DAGLA: variants seen among roughly 807,000 people sequenced by gnomAD.
The protein encoded by DAGLA is diacylglycerol lipase alpha.
A neutral mutation model predicts 102.6 loss-of-function variants in DAGLA; 22 were observed. The observed-to-expected ratio is 0.21, with a 90% CI of 0.15 to 0.31. The LOEUF is 0.31. Among genes scored for constraint, DAGLA ranks in the 10% least tolerant of loss-of-function variants. DAGLA has a pLI of 1.00. For synonymous variants in DAGLA, 578 were observed against 628.9 expected (o/e 0.92, Z 1.21); for missense variants, 927 against 1,446.6 (o/e 0.64, Z 5.83).
chr11:61,737,172 C>G lies in DAGLA; in HGVS notation c.1372-10C>G. 6.2e-7 allele frequency: 1 copy of G among 1,613,362 alleles called. No individual in the cohort carries two copies. The highest frequency in any genetic ancestry group is 8.5e-7 in the Non-Finnish European group (1 of 1,180,004). ...TGGGGCAGGGCTCTCAGGCTTCTCTCGGTCTCCAGGGCCGCGGAACCAAAC... is the reference window on the plus strand; with the variant it reads ...TGGGGCAGGGCTCTCAGGCTTCTCTGGGTCTCCAGGGCCGCGGAACCAAAC... On this transcript the variant is annotated splice_polypyrimidine_tract_variant and intron_variant, in intron 13 of 19. Coordinates refer to ENST00000257215, the MANE Select transcript of DAGLA (RefSeq NM_006133.3).
At chr11:61,688,744 G>A (rs929349132) in intron 1 of DAGLA, among the ~76,000 whole-genome samples, 3 of 152,322 alleles carry the variant, frequency 2.0e-5, no homozygotes, top group South Asian at 2.1e-4. Context: ...AGGATAGCTC[G>A]CCAGGCAGCC....
Position 61,735,622 on chromosome 11 carries a change from TCCG to T in DAGLA, c.1191_1193del (p.Ile397_Arg398delinsMet). On this transcript the variant is annotated inframe_deletion, in exon 11 of 20. Coordinates refer to ENST00000257215, the MANE Select transcript of DAGLA (RefSeq NM_006133.3). ...GACAAGAAGAAAGTGGTGATCAGTA[TCCG>T]GGGGACCCTGTCCCCCAAGGTACGC... The T allele has an allele frequency of 6.2e-7, 1 of 1,614,004 alleles. No homozygotes were observed. The highest frequency in any genetic ancestry group is 8.5e-7 in the Non-Finnish European group (1 of 1,179,936).
intron 9 of DAGLA, among the ~76,000 whole-genome samples, chr11:61,732,532 G>A (rs1465305252): frequency 6.6e-6 from 1 of 152,206 alleles, no homozygotes; most frequent in Non-Finnish European, 1.5e-5. Context: ...ACTGTAACAG[G>A]TGGTATCTGT....
At chr11:61,690,336 A>C (rs1306852926) in intron 1 of DAGLA, among the ~76,000 whole-genome samples, 1 of 152,148 alleles carries the variant, frequency 6.6e-6, no homozygotes, top group Admixed American at 6.5e-5. Context: ...TTTATTGAGC[A>C]CCTACTTGCC....
chr11:61,732,436 T>G (rs2065383793), intron 9 of DAGLA, among the ~76,000 whole-genome samples: 1 of 152,200 alleles, frequency 6.6e-6, no homozygotes, highest in South Asian at 2.1e-4. Flanking sequence ...GAGTCCCAGC[T>G]GTGGCAGAGA....
At chr11:61,720,630 G>A (rs764636326) in intron 2 of DAGLA, 49 bp from the exon 3 acceptor site, 37 of 1,577,576 alleles carry the variant, frequency 2.3e-5, no homozygotes, top group Middle Eastern at 2.1e-4. Context: ...GTAGCATCTC[G>A]AGGTACAGGG....
At chr11:61,681,117 C>T (rs1185382576) in intron 1 of DAGLA, among the ~76,000 whole-genome samples, 1 of 152,084 alleles carries the variant, frequency 6.6e-6, no homozygotes, top group Non-Finnish European at 1.5e-5. Context: ...CGTGGCCCTC[C>T]CATCCTGATG....
Position 61,710,904 on chromosome 11 carries a change from T to G in DAGLA, c.-44-9208T>G, listed in dbSNP as rs139043125. ...CACTATGAAGTGAGTACCTTCATTA[T>G]TCCATCTTACAGATGAGGAGACTGA... On this transcript the variant is annotated intron_variant, in intron 1 of 19. Transcript: ENST00000257215. Among the ~76,000 whole-genome samples the G allele has an allele frequency of 2.7e-3, 409 of 152,332 alleles. 2 individuals carry two copies. Among genetic ancestry groups the G allele is most frequent in the African/African-American group, 9.2e-3 (384 of 41,580 alleles).
chr11:61,737,110 T>C (rs1238102764), intron 13 of DAGLA, 72 bp from the exon 14 acceptor site: 2 of 1,595,806 alleles, frequency 1.3e-6, no homozygotes, highest in Non-Finnish European at 1.7e-6. Flanking sequence ...ACCCTCTGCC[T>C]CCCTTGGGTT....
intron 1 of DAGLA, among the ~76,000 whole-genome samples, chr11:61,708,651 G>A (rs1014860495): frequency 2.6e-5 from 4 of 152,134 alleles, no homozygotes; most frequent in African/African-American, 9.7e-5. Context: ...CCAAAGTGCT[G>A]GGACTACAGG....
chr11:61,721,008 C>A (rs887148044), intron 3 of DAGLA, 118 bp downstream of exon 3: 1 of 966,954 alleles, frequency 1.0e-6, no homozygotes, highest in Non-Finnish European at 1.5e-6. Context: ...TGGGGTACAG[C>A]AGTGAACTAA....
At position 61,744,445 on chromosome 11, in the gene DAGLA, G is replaced by C. The variant is rs2065518440; in HGVS notation, c.3085G>C (p.Ala1029Pro). 6.3e-7 allele frequency: 1 copy of C among 1,590,786 alleles called. No homozygotes were observed. Among genetic ancestry groups the C allele is most frequent in the South Asian group, 1.1e-5 (1 of 88,886 alleles). Reference sequence around the variant, plus strand: ...GACTTCTACCCCCACTGGCCACGGAGCCAGCCCCGCCAAGCAAGATGAGCT... The same window carrying C: ...GACTTCTACCCCCACTGGCCACGGACCCAGCCCCGCCAAGCAAGATGAGCT... ...IRTSTPTGHG[A>P]SPAKQDELVI... Residue 1029 changes from alanine (A) to proline (P), a missense_variant, in exon 20 of 20, where the codon GCC becomes CCC. Physicochemically the swap from Ala to Pro is conservative, Grantham distance 27 (BLOSUM62 -1). Around this residue, in one of 4 missense-constraint regions of DAGLA, gnomAD observed 434 missense variants for 503.3 expected, o/e 0.86. Transcript: ENST00000257215.
At chr11:61,695,922 G>T (rs1353552373) in intron 1 of DAGLA, among the ~76,000 whole-genome samples, 1 of 152,184 alleles carries the variant, frequency 6.6e-6, no homozygotes, top group African/African-American at 2.4e-5. Context: ...GTGGATGACA[G>T]GCTCCGGGCC....
At position 61,728,929 on chromosome 11, in the gene DAGLA, A is replaced by G; in HGVS notation, c.772-2A>G. ...GTCCTTCTTCACCTGCCGGTCTTAC[A>G]GGCAAACAATGACATCTTGGCCTTC... is the stretch of plus-strand genomic sequence containing the variant. On this transcript the variant is annotated splice_acceptor_variant, in intron 7 of 19. Coordinates refer to ENST00000257215, the MANE Select transcript of DAGLA (RefSeq NM_006133.3). LOFTEE classifies it high-confidence loss of function. The G allele has an allele frequency of 6.2e-7, 1 of 1,613,612 alleles. No individual in the cohort carries two copies. The highest frequency in any genetic ancestry group is 8.5e-7 in the Non-Finnish European group (1 of 1,179,492).
Position 61,686,051 on chromosome 11 carries a change from T to G in DAGLA, c.-45+5547T>G. Among the ~76,000 whole-genome samples the G allele has an allele frequency of 6.7e-6, 1 of 149,810 alleles. No homozygotes were observed. Among genetic ancestry groups the G allele is most frequent in the Non-Finnish European group, 1.5e-5 (1 of 67,392 alleles). On this transcript the variant is annotated intron_variant, in intron 1 of 19. Transcript: ENST00000257215. The surrounding 1 kb of genome is among the most constrained non-coding windows in gnomAD (Gnocchi z 5.2). Reference sequence around the variant, plus strand: ...GGCTGGTGCCACCCACCAGGAAGAGTGGTATGGCAGCAGGGTACTGAGGGA... The same window carrying G: ...GGCTGGTGCCACCCACCAGGAAGAGGGGTATGGCAGCAGGGTACTGAGGGA...
chr11:61,720,558 G>C, intron 2 of DAGLA, 121 bp from the exon 3 acceptor site: 1 of 889,748 alleles, frequency 1.1e-6, no homozygotes, highest in Non-Finnish European at 1.8e-6. Flanking sequence ...GTCTTATGGA[G>C]GAGGTGCCTG....
At chr11:61,691,737 G>T (rs370511046) in intron 1 of DAGLA, among the ~76,000 whole-genome samples, 1 of 152,228 alleles carries the variant, frequency 6.6e-6, no homozygotes, top group South Asian at 2.1e-4. Flanking sequence ...ATGGGAAACC[G>T]CAGGGGGTGT....
At chr11:61,739,970 G>T (rs2065463226) in intron 17 of DAGLA, among the ~76,000 whole-genome samples, 2 of 152,024 alleles carry the variant, frequency 1.3e-5, no homozygotes, top group Admixed American at 1.3e-4. Flanking sequence ...TGCCCTGGAG[G>T]GCTCACCCCT....
chr11:61,733,762 C>T (rs1359736735), intron 9 of DAGLA, among the ~76,000 whole-genome samples: 1 of 152,212 alleles, frequency 6.6e-6, no homozygotes, highest in South Asian at 2.1e-4. Context: ...AGCGAGGAGG[C>T]GGACAGCGCA....
Sources: gnomAD v4.1 joint callset for allele counts (sites outside exome capture counted in the v4.1 genomes callset) on GRCh38, gnomAD v4.1.1 for gene constraint, gnomAD v4.1.1 regional missense constraint, Gnocchi (gnomAD v3.1) non-coding constraint, MANE v1.5 for transcripts, NCBI Gene and HGNC (gene_info 2026-07-23, HGNC 2026-07-21) for gene names.